Variants in DNAJC2 observed in about 807,000 individuals in gnomAD.
The protein encoded by DNAJC2 is DnaJ heat shock protein family (Hsp40) member C2.
In DNAJC2, 32 loss-of-function variants were observed where a neutral mutation model predicts 94.0. The observed-to-expected ratio is 0.34, with a 90% CI of 0.26 to 0.46. The LOEUF is 0.46. Ranked by LOEUF, DNAJC2 falls within the 20% of genes least tolerant of loss-of-function variation. The probability of loss-of-function intolerance (pLI) is 1.00; values close to 1 mark genes in which losing one functional copy is unlikely to be tolerated. For synonymous variants in DNAJC2, 210 were observed against 229.7 expected, an observed-to-expected ratio of 0.91 and a Z score of 0.77; for missense variants, 550 against 719.5, an observed-to-expected ratio of 0.76 and a Z score of 2.69.
At chr7:103,328,588 G>A (rs764007997) in intron 3 of DNAJC2, among the ~76,000 whole-genome samples, 4 of 152,068 alleles carry the variant, frequency 2.6e-5, no homozygotes, top group East Asian at 1.9e-4. Flanking sequence ...CTGAGATGGC[G>A]CCACTGCATT....
chr7:103,317,697 C>T (rs1414221086), intron 12 of DNAJC2, among the ~76,000 whole-genome samples: 1 of 152,160 alleles, frequency 6.6e-6, no homozygotes, highest in Non-Finnish European at 1.5e-5. Flanking sequence ...GTCGCCCAGG[C>T]TGGAGTGCAG....
At chr7:103,313,480 A>C in intron 15 of DNAJC2, 5 of 985,140 alleles carry the variant, frequency 5.1e-6, no homozygotes, top group South Asian at 9.4e-5. Context: ...TGATAAATCT[A>C]CTTCCTTACA....
At chr7:103,343,974 A>G (rs1819493941) in intron 1 of DNAJC2, among the ~76,000 whole-genome samples, 1 of 152,226 alleles carries the variant, frequency 6.6e-6, no homozygotes. Context: ...AATACTCATG[A>G]CTGTCCTGGG....
At chr7:103,323,811 C>A in intron 6 of DNAJC2, 148 bp from the exon 7 acceptor site, 1 of 617,902 alleles carries the variant, frequency 1.6e-6, no homozygotes, top group Non-Finnish European at 2.4e-6. Context: ...TTTTTAAGGA[C>A]ATTGCATTTG....
chr7:103,321,702 A>G (rs1818425559), intron 10 of DNAJC2, among the ~76,000 whole-genome samples: 1 of 152,138 alleles, frequency 6.6e-6, no homozygotes, highest in Admixed American at 6.5e-5. Context: ...ACAAAAAATT[A>G]GCCAGGCGTG....
At chr7:103,343,280 C>T (rs757289883) in intron 1 of DNAJC2, among the ~76,000 whole-genome samples, 10 of 152,172 alleles carry the variant, frequency 6.6e-5, no homozygotes, top group Non-Finnish European at 1.2e-4. Flanking sequence ...GGATTATAGA[C>T]GTGAGCCACC....
At position 103,344,680 on chromosome 7, in the gene DNAJC2, T is replaced by C. The variant is rs1189796269; in HGVS notation, c.-58A>G. 2 of 1,569,130 alleles carry C rather than the reference T, an allele frequency of 1.3e-6. No individual in the cohort carries two copies. Among genetic ancestry groups the C allele is most frequent in the Non-Finnish European group, 1.7e-6 (2 of 1,153,264 alleles). On this transcript the variant is annotated 5_prime_UTR_variant, in exon 1 of 17. Coordinates refer to ENST00000379263, the MANE Select transcript of DNAJC2 (RefSeq NM_014377.3). ...GGCTCACGTCCCGGGCGGAGGGCGC[T>C]TAGGGTCCCCTCCAGCTCTACCTCT...
At chr7:103,322,823 C>T in intron 7 of DNAJC2, 29 bp from the exon 8 acceptor site, 1 of 1,533,578 alleles carries the variant, frequency 6.5e-7, no homozygotes, top group African/African-American at 1.4e-5. Context: ...TGGAAACAAA[C>T]TACTGCTTAT....
At chr7:103,317,647 T>C (rs1818144811) in intron 12 of DNAJC2, among the ~76,000 whole-genome samples, 1 of 152,156 alleles carries the variant, frequency 6.6e-6, no homozygotes, top group Admixed American at 6.5e-5. Flanking sequence ...GTGCAGGTTC[T>C]TTTTCTTTCT....
chr7:103,315,841 T>A lies in DNAJC2; in HGVS notation c.1559A>T (p.Lys520Met). Residue 520 changes from lysine (K) to methionine (M), a missense_variant, in exon 15 of 17, where the codon AAG (lysine) becomes ATG (methionine). By Grantham distance (95) the Lys-to-Met change is moderately conservative. Transcript: ENST00000379263. ...TTCTTTTTTGAACTTATCAAATGCCTTTTTATTTATGTCATCTTTTTGATG... is the reference window on the plus strand; with the variant it reads ...TTCTTTTTTGAACTTATCAAATGCCATTTTATTTATGTCATCTTTTTGATG... ...DPHQKDDINKKAFDKFKKEHG... is the reference protein window; with the variant it reads ...DPHQKDDINKMAFDKFKKEHG... 2 of 1,613,354 alleles carry A rather than the reference T, an allele frequency of 1.2e-6. No homozygotes were observed. The highest frequency in any genetic ancestry group is 1.1e-5 in the South Asian group (1 of 91,002).
intron 15 of DNAJC2, chr7:103,313,368 T>G (rs1418089507): frequency 8.9e-7 from 1 of 1,129,594 alleles, no homozygotes; most frequent in Admixed American, 4.7e-5. Flanking sequence ...CTCTTAAAAA[T>G]CAATGTAATA....
chr7:103,334,493 T>A (rs994453429), intron 3 of DNAJC2, among the ~76,000 whole-genome samples: 1 of 151,658 alleles, frequency 6.6e-6, no homozygotes, highest in Non-Finnish European at 1.5e-5. Flanking sequence ...GGAGAACCAC[T>A]TGAACCCTGG....
At chr7:103,343,951 C>T (rs1300260949) in intron 1 of DNAJC2, among the ~76,000 whole-genome samples, 1 of 152,200 alleles carries the variant, frequency 6.6e-6, no homozygotes, top group Non-Finnish European at 1.5e-5. Context: ...GACCTGAAGA[C>T]TCTTAAGTTT....
rs373180777 is a variant in DNAJC2 at position 103,315,764 on chromosome 7, C to T, written c.1636G>A (p.Gly546Ser). The change falls in exon 15 of 17, where the codon GGT (glycine) becomes AGT (serine). Residue 546 changes from glycine to serine, a missense_variant and splice_region_variant. By Grantham distance (56) the Gly-to-Ser change is moderately conservative. Around this residue, in one of 2 missense-constraint regions of DNAJC2, gnomAD observed 271 missense variants for 302.6 expected, o/e 0.90. Transcript: ENST00000379263. ...CTACGTTTAGAAAAGCAAAATTTAC[C>T]TTCAAATCGTTCTGAAGGCGTTGCG... ...DNATPSERFE[G>S]PYTDFTPWTT... is the part of the protein sequence containing the mutation. 6.2e-7 allele frequency: 1 copy of T among 1,612,386 alleles called. No individual in the cohort carries two copies. The highest frequency in any genetic ancestry group is 8.5e-7 in the Non-Finnish European group (1 of 1,178,806).
chr7:103,323,688 G>C, intron 6 of DNAJC2, 25 bp from the exon 7 acceptor site: 1 of 1,355,174 alleles, frequency 7.4e-7, no homozygotes, highest in East Asian at 2.6e-5. Flanking sequence ...AATAATACAT[G>C]ATCAAGACAG....
At chr7:103,338,453 C>G (rs980213656) in intron 2 of DNAJC2, among the ~76,000 whole-genome samples, 1 of 151,522 alleles carries the variant, frequency 6.6e-6, no homozygotes, top group Non-Finnish European at 1.5e-5. Context: ...CACACCACCA[C>G]GCCTGGCTAA....
chr7:103,333,000 T>G (rs1324597024), intron 3 of DNAJC2, among the ~76,000 whole-genome samples: 1 of 152,218 alleles, frequency 6.6e-6, no homozygotes, highest in Non-Finnish European at 1.5e-5. Context: ...ATTTCAAATT[T>G]TTTTAGATTT....
chr7:103,326,145 A>ATTTTTTTTTTTTTTTTTTT (rs1818693301), intron 5 of DNAJC2, among the ~76,000 whole-genome samples: 1 of 151,880 alleles, frequency 6.6e-6, no homozygotes, highest in African/African-American at 2.4e-5. Flanking sequence ...CGGCCAGCTA[A>ATTTTTTTTTTTTTTTTTTT]TTTTTGTATT....
chr7:103,316,909 C>T lies in DNAJC2; in HGVS notation c.1348G>A (p.Gly450Arg). ...TEKSTGGGGN[G>R]SKNWSEDDLQ... Reference sequence around the variant, plus strand: ...TCATCTTCTGACCAATTTTTACTTCCATTTCCACCTCCACCAGTTGATTTC... The same window carrying T: ...TCATCTTCTGACCAATTTTTACTTCTATTTCCACCTCCACCAGTTGATTTC... The change falls in exon 13 of 17, where the codon GGA (glycine) becomes AGA (arginine). Residue 450 changes from glycine to arginine, a missense_variant. Gly to Arg is a moderately radical substitution (Grantham distance 125). Around this residue, in one of 2 missense-constraint regions of DNAJC2, gnomAD observed 271 missense variants for 302.6 expected, o/e 0.90. Coordinates refer to ENST00000379263, the MANE Select transcript of DNAJC2 (RefSeq NM_014377.3). The T allele has an allele frequency of 6.2e-7, 1 of 1,614,002 alleles. No individual in the cohort carries two copies. Among genetic ancestry groups the T allele is most frequent in the Non-Finnish European group, 8.5e-7 (1 of 1,179,942 alleles).
Sources: allele counts gnomAD v4.1 joint callset (sites outside exome capture counted in the v4.1 genomes callset), GRCh38; gene constraint gnomAD v4.1.1; regional missense constraint gnomAD v4.1.1; transcripts MANE v1.5; gene names NCBI Gene and HGNC (gene_info 2026-07-23, HGNC 2026-07-21).